DHRSX: variants seen among roughly 807,000 people sequenced by gnomAD.
DHRSX encodes polyprenol dehydrogenase.
In DHRSX, 31 loss-of-function variants were observed where a neutral mutation model predicts 34.0. The observed-to-expected ratio is 0.91, with a 90% CI of 0.69 to 1.23. DHRSX has a LOEUF of 1.23. Ranked by LOEUF, DHRSX falls within the 50% of genes most tolerant of loss-of-function variation. DHRSX has a pLI of 0.00. For missense variants in DHRSX, 414 were observed against 428.1 expected (o/e 0.97, Z 0.29); for synonymous variants, 201 against 183.8 (o/e 1.09, Z -0.76).
At chrX:2,415,741 T>G (rs192614439) in intron 2 of DHRSX, among the ~76,000 whole-genome samples, 240 of 149,568 alleles carry the variant, frequency 1.6e-3, no homozygotes, top group African/African-American at 5.5e-3. Context: ...CAAATAGACC[T>G]CATCATAACC....
At chrX:2,282,539 T>G in intron 4 of DHRSX, among the ~76,000 whole-genome samples, 3 of 105,528 alleles carry the variant, frequency 2.8e-5, no homozygotes, top group Admixed American at 1.2e-4. Context: ...AGAAAGGAGA[T>G]AGGGAGAAGA....
intron 3 of DHRSX, among the ~76,000 whole-genome samples, chrX:2,379,276 A>G (rs2043177159): frequency 6.6e-6 from 1 of 152,190 alleles, no homozygotes; most frequent in Non-Finnish European, 1.5e-5. Flanking sequence ...ACAAGACCAT[A>G]TATCACCAAC....
chrX:2,231,662 T>C (rs1229903004), intron 6 of DHRSX, among the ~76,000 whole-genome samples: 1 of 143,496 alleles, frequency 7.0e-6, no homozygotes, highest in Admixed American at 6.8e-5. Flanking sequence ...CCTTTTCTTC[T>C]TTTTTTCTTT....
chrX:2,451,410 A>C lies in DHRSX; in HGVS notation c.110-26106T>G, dbSNP rs139529789. On this transcript the variant is annotated intron_variant, in intron 1 of 6. Coordinates refer to ENST00000334651, the MANE Select transcript of DHRSX (RefSeq NM_145177.3). ...AAACACACTAGAAGCCTCTGATAGGATGGGGGCATCTCCAGAAATCCGAAG... is the reference window on the plus strand; with the variant it reads ...AAACACACTAGAAGCCTCTGATAGGCTGGGGGCATCTCCAGAAATCCGAAG... Among the ~76,000 whole-genome samples the C allele has an allele frequency of 3.3e-3, 498 of 152,254 alleles. 2 individuals carry two copies. Among genetic ancestry groups the C allele is most frequent in the African/African-American group, 0.011 (474 of 41,550 alleles).
At chrX:2,285,072 T>C (rs187600634) in intron 4 of DHRSX, among the ~76,000 whole-genome samples, 1 of 152,228 alleles carries the variant, frequency 6.6e-6, no homozygotes, top group Non-Finnish European at 1.5e-5. Context: ...GTCTCCAACC[T>C]TTTTGGCACC....
At chrX:2,288,088 T>A (rs896225931) in intron 4 of DHRSX, among the ~76,000 whole-genome samples, 28 of 150,034 alleles carry the variant, frequency 1.9e-4, no homozygotes, top group African/African-American at 5.4e-4. Context: ...ATGGTTCTTC[T>A]ACAAGGCAGG....
At chrX:2,459,834 G>A (rs1424236634) in intron 1 of DHRSX, among the ~76,000 whole-genome samples, 4 of 152,028 alleles carry the variant, frequency 2.6e-5, no homozygotes, top group African/African-American at 4.8e-5. Flanking sequence ...TGGGCCGGGC[G>A]CGGTGGCTCA....
chrX:2,310,840 C>T (rs1158322628), intron 3 of DHRSX, among the ~76,000 whole-genome samples: 2 of 151,798 alleles, frequency 1.3e-5, no homozygotes, highest in African/African-American at 4.8e-5. Flanking sequence ...GCGGGTGGAT[C>T]GCCTGATGTC....
At chrX:2,399,725 C>CAAAAAAAAAAAA (rs779558142) in intron 3 of DHRSX, among the ~76,000 whole-genome samples, 7 of 35,212 alleles carry the variant, frequency 2.0e-4, no homozygotes, top group Admixed American at 3.3e-4. Context: ...AAACAAAAAG[C>CAAAAAAAAAAAA]AAAAAAAAAA....
intron 3 of DHRSX, among the ~76,000 whole-genome samples, chrX:2,353,695 T>C (rs1439475106): frequency 6.6e-6 from 1 of 151,618 alleles, no homozygotes; most frequent in Admixed American, 6.6e-5. Flanking sequence ...GCGATTCTCC[T>C]GCCTCAGCCC....
At chrX:2,485,683 A>C in intron 1 of DHRSX, among the ~76,000 whole-genome samples, 2 of 50,978 alleles carry the variant, frequency 3.9e-5, no homozygotes, top group South Asian at 2.2e-3. Flanking sequence ...AGGGGAGGAA[A>C]GGGAGGCAGA....
Position 2,374,851 on chromosome X carries a change from C to A in DHRSX, c.286+33894G>T, listed in dbSNP as rs1178114910. Among the ~76,000 whole-genome samples the A allele has an allele frequency of 1.5e-5, 2 of 136,350 alleles. 1 individual carries two copies. Among genetic ancestry groups the A allele is most frequent in the Admixed American group, 1.5e-4 (2 of 13,666 alleles). The allele number at this position is 136,350 out of a possible 152,430, so 89.5% of individuals were successfully genotyped here. ...CTTTGGGAGGCCGTGGTGGAAGGAT[C>A]CCTTGAGCCCTGGAGTTCAAGACCA... is the stretch of plus-strand genomic sequence containing the variant. On this transcript the variant is annotated intron_variant, in intron 3 of 6. Transcript: ENST00000334651.
intron 3 of DHRSX, among the ~76,000 whole-genome samples, chrX:2,337,538 T>C (rs1411654706): frequency 6.6e-6 from 1 of 152,016 alleles, no homozygotes; most frequent in Non-Finnish European, 1.5e-5. Context: ...CGAATTTATT[T>C]CCACACAGGG....
chrX:2,408,438 C>G (rs1603059715), intron 3 of DHRSX, among the ~76,000 whole-genome samples: 2 of 152,168 alleles, frequency 1.3e-5, no homozygotes, highest in African/African-American at 2.4e-5. Flanking sequence ...CCCTGGAGGT[C>G]AACAGGAAAG....
At chrX:2,465,448 A>G (rs2044478332) in intron 1 of DHRSX, among the ~76,000 whole-genome samples, 1 of 152,034 alleles carries the variant, frequency 6.6e-6, no homozygotes, top group African/African-American at 2.4e-5. Flanking sequence ...GAGGAGTAAA[A>G]CTTTGGCAAT....
At chrX:2,399,076 G>A (rs1417573605) in intron 3 of DHRSX, among the ~76,000 whole-genome samples, 3 of 151,862 alleles carry the variant, frequency 2.0e-5, no homozygotes, top group African/African-American at 7.3e-5. Flanking sequence ...GGATGGTCTC[G>A]ATCTCCTGAT....
At position 2,452,335 on chromosome X, in the gene DHRSX, A is replaced by G. The variant is rs764636032; in HGVS notation, c.110-27031T>C. On this transcript the variant is annotated intron_variant, in intron 1 of 6. Coordinates refer to ENST00000334651, the MANE Select transcript of DHRSX (RefSeq NM_145177.3). ...CCTAAGAATGCAGCCAAGGGACGGC[A>G]CTGAAGACGTTCCCTAGGCATGTGG... Among the ~76,000 whole-genome samples the G allele has an allele frequency of 4.0e-5, 6 of 151,342 alleles. No individual in the cohort carries two copies. The South Asian group carries it at 1.3e-3, about 32-fold the overall frequency.
chrX:2,328,849 G>A (rs2042421962), intron 3 of DHRSX, among the ~76,000 whole-genome samples: 1 of 152,098 alleles, frequency 6.6e-6, no homozygotes, highest in Non-Finnish European at 1.5e-5. Context: ...TTAGGTGGTG[G>A]TAGAAGAGAC....
intron 3 of DHRSX, among the ~76,000 whole-genome samples, chrX:2,342,714 G>A (rs866079235): frequency 2.0e-5 from 3 of 152,046 alleles, no homozygotes; most frequent in Non-Finnish European, 2.9e-5. Context: ...TGATTCCCAC[G>A]CTCATAGCAT....
Sources: gnomAD v4.1 joint callset for allele counts (sites outside exome capture counted in the v4.1 genomes callset) on GRCh38, gnomAD v4.1.1 for gene constraint, MANE v1.5 for transcripts, NCBI Gene and HGNC (gene_info 2026-07-23, HGNC 2026-07-21) for gene names.